The following DOK6 variants were observed in gnomAD, a reference collection of about 807,000 sequenced individuals.
DOK6 encodes downstream of tyrosine kinase 6.
A neutral mutation model predicts 44.0 loss-of-function variants in DOK6; 22 were observed. That is an observed-to-expected ratio of 0.50 (90% confidence interval 0.36 to 0.71). The LOEUF (loss-of-function observed/expected upper bound fraction) is 0.71, where lower values mean the gene tolerates loss of function less well. DOK6 is among the 30% of genes least tolerant of loss of function. The pLI, the probability that DOK6 is intolerant of heterozygous loss-of-function variation, is 0.00. For missense variants in DOK6, 340 were observed against 416.4 expected, an observed-to-expected ratio of 0.82 and a Z score of 1.60; for synonymous variants, 166 against 145.5, an observed-to-expected ratio of 1.14 and a Z score of -1.01.
At chr18:69,736,454 A>T (rs988387645) in intron 5 of DOK6, among the ~76,000 whole-genome samples, 2 of 152,170 alleles carry the variant, frequency 1.3e-5, no homozygotes, top group Non-Finnish European at 2.9e-5. Context: ...CCTATTTTAG[A>T]TAAGAAAAAA....
intron 3 of DOK6, among the ~76,000 whole-genome samples, chr18:69,637,723 T>C (rs1048152530): frequency 1.9e-5 from 2 of 107,346 alleles, no homozygotes; most frequent in South Asian, 8.1e-4. Flanking sequence ...TAGAAAATTA[T>C]AATATTCTCT....
intron 1 of DOK6, chr18:69,469,736 G>T: frequency 3.6e-6 from 1 of 275,056 alleles, no homozygotes; most frequent in Non-Finnish European, 7.5e-6. Context: ...GAGAGGGCAG[G>T]ACACGAGAGG....
chr18:69,423,053 C>T (rs974119149), intron 1 of DOK6, among the ~76,000 whole-genome samples: 1 of 152,074 alleles, frequency 6.6e-6, no homozygotes, highest in Non-Finnish European at 1.5e-5. Flanking sequence ...GATGTAATCC[C>T]GGGACTTTGG....
intron 1 of DOK6, among the ~76,000 whole-genome samples, chr18:69,412,950 G>C (rs1368981030): frequency 1.3e-5 from 2 of 152,080 alleles, no homozygotes; most frequent in African/African-American, 4.8e-5. Flanking sequence ...GGAGAGACTA[G>C]TCATTTCTAC....
chr18:69,669,740 A>AT (rs931090210), intron 3 of DOK6, among the ~76,000 whole-genome samples: 22 of 151,324 alleles, frequency 1.5e-4, no homozygotes, highest in African/African-American at 4.4e-4. Flanking sequence ...CTGCCTTGAG[A>AT]TTTTCTTTTC....
chr18:69,599,282 T>C (rs1983817499), intron 2 of DOK6, 102 bp from the exon 3 acceptor site: 1 of 837,852 alleles, frequency 1.2e-6, no homozygotes, highest in East Asian at 2.7e-5. Flanking sequence ...AAATATCCCG[T>C]GGAAATTCAT....
intron 3 of DOK6, among the ~76,000 whole-genome samples, chr18:69,641,704 G>A (rs997254455): frequency 6.6e-6 from 1 of 152,142 alleles, no homozygotes; most frequent in Non-Finnish European, 1.5e-5. Flanking sequence ...TTAGAATGTG[G>A]TCTCCTGACT....
intron 3 of DOK6, among the ~76,000 whole-genome samples, chr18:69,669,086 G>A (rs34143434): frequency 0.43 from 65,825 of 152,000 alleles, 14,597 homozygotes; most frequent in Middle Eastern, 0.57. Context: ...TTGCTAAAGG[G>A]TGTTTCTTCC....
chr18:69,718,345 T>C (rs778986418), intron 5 of DOK6, among the ~76,000 whole-genome samples: 21 of 152,122 alleles, frequency 1.4e-4, no homozygotes, highest in Non-Finnish European at 2.2e-4. Context: ...CAAAAGAAGC[T>C]GAGAGTTGGG....
At chr18:69,702,743 A>G (rs1986549995) in intron 5 of DOK6, among the ~76,000 whole-genome samples, 1 of 152,144 alleles carries the variant, frequency 6.6e-6, no homozygotes, top group South Asian at 2.1e-4. Flanking sequence ...ATGGGAGGAG[A>G]TCAAACCAGA....
intron 3 of DOK6, among the ~76,000 whole-genome samples, chr18:69,670,021 C>T (rs1985757561): frequency 6.6e-6 from 1 of 152,174 alleles, no homozygotes; most frequent in Non-Finnish European, 1.5e-5. Flanking sequence ...GACAAAAGTC[C>T]AACACTGGTC....
At chr18:69,779,980 AAG>A (rs1267752797) in intron 7 of DOK6, among the ~76,000 whole-genome samples, 1 of 152,192 alleles carries the variant, frequency 6.6e-6, no homozygotes, top group South Asian at 2.1e-4. Context: ...TTACTGGAAA[AAG>A]AAAATATTTT....
At chr18:69,584,714 CA>C (rs1432354899) in intron 2 of DOK6, among the ~76,000 whole-genome samples, 2 of 151,696 alleles carry the variant, frequency 1.3e-5, no homozygotes, top group East Asian at 3.9e-4. Context: ...TTGGTAAATT[CA>C]ATTATGAAAC....
intron 5 of DOK6, among the ~76,000 whole-genome samples, chr18:69,716,767 G>A (rs59599199): frequency 0.047 from 6,980 of 149,466 alleles, 192 homozygotes; most frequent in Middle Eastern, 0.091. Context: ...TTGTTCTTGC[G>A]CCCTAAAGTG....
At chr18:69,569,996 C>A (rs1983075404) in intron 2 of DOK6, among the ~76,000 whole-genome samples, 1 of 151,618 alleles carries the variant, frequency 6.6e-6, no homozygotes, top group African/African-American at 2.4e-5. Flanking sequence ...ATAATGAGAA[C>A]ATATGGACAG....
At chr18:69,831,818 T>G (rs1342868354) in intron 7 of DOK6, among the ~76,000 whole-genome samples, 1 of 152,202 alleles carries the variant, frequency 6.6e-6, no homozygotes, top group Non-Finnish European at 1.5e-5. Context: ...TCAGATACAG[T>G]TTATAGAAAA....
intron 3 of DOK6, among the ~76,000 whole-genome samples, chr18:69,614,666 AAATT>A (rs922530808): frequency 1.3e-5 from 2 of 152,192 alleles, no homozygotes; most frequent in African/African-American, 4.8e-5. Flanking sequence ...CTGTAAATAG[AAATT>A]AATTTGTTTT....
At chr18:69,498,197 A>T (rs1315048163) in intron 1 of DOK6, among the ~76,000 whole-genome samples, 1 of 152,162 alleles carries the variant, frequency 6.6e-6, no homozygotes, top group Non-Finnish European at 1.5e-5. Flanking sequence ...AAATGAACTT[A>T]ATTATTTGAT....
chr18:69,757,922 G>A, intron 7 of DOK6, 49 bp downstream of exon 7: 1 of 1,484,184 alleles, frequency 6.7e-7, no homozygotes, highest in South Asian at 1.1e-5. Flanking sequence ...GCTTCCTCCA[G>A]GTGGACTGAG....
Sources: allele counts gnomAD v4.1 joint callset (sites outside exome capture counted in the v4.1 genomes callset), GRCh38; gene constraint gnomAD v4.1.1; transcripts MANE v1.5; gene names NCBI Gene and HGNC (gene_info 2026-07-23, HGNC 2026-07-21).